NDST4: variants seen among roughly 807,000 people sequenced by gnomAD.
NDST4 encodes N-heparan sulfate sulfotransferase 4.
NDST4 carries 63 observed loss-of-function variants against 100.8 expected under a neutral mutation model. The ratio of observed to expected loss-of-function variants is 0.62; its 90% CI spans 0.51 to 0.77. The LOEUF is 0.77. Ranked by LOEUF, NDST4 falls within the 30% of genes least tolerant of loss-of-function variation. The probability of loss-of-function intolerance (pLI) is 0.00; values close to 1 mark genes in which losing one functional copy is unlikely to be tolerated. For missense variants in NDST4, 943 were observed against 1,018.4 expected, an observed-to-expected ratio of 0.93 and a Z score of 1.01; for synonymous variants, 377 against 361.8, an observed-to-expected ratio of 1.04 and a Z score of -0.48.
At chr4:115,053,763 T>C (rs887212559) in intron 2 of NDST4, among the ~76,000 whole-genome samples, 1 of 152,094 alleles carries the variant, frequency 6.6e-6, no homozygotes, top group Non-Finnish European at 1.5e-5. Flanking sequence ...ACTTGGGATG[T>C]ATGTGGTTCC....
chr4:115,067,777 G>A (rs1728981986), intron 2 of NDST4, among the ~76,000 whole-genome samples: 1 of 151,194 alleles, frequency 6.6e-6, no homozygotes, highest in South Asian at 2.1e-4. Flanking sequence ...AAGTTCTAGG[G>A]TACATGTGCA....
At chr4:114,986,832 A>ATATATATATATATATTTTTTTTTTTT in intron 2 of NDST4, among the ~76,000 whole-genome samples, 4 of 94,654 alleles carry the variant, frequency 4.2e-5, no homozygotes, top group Non-Finnish European at 8.7e-5. Context: ...ATATATATAT[A>ATATATATATATATATTTTTTTTTTTT]TTTTAATATA....
intron 4 of NDST4, among the ~76,000 whole-genome samples, chr4:114,952,942 T>G (rs1467385176): frequency 6.6e-6 from 1 of 152,046 alleles, no homozygotes; most frequent in Non-Finnish European, 1.5e-5. Context: ...CATTCATTCA[T>G]ATGTTACTTT....
At chr4:115,041,861 C>T (rs1291446548) in intron 2 of NDST4, among the ~76,000 whole-genome samples, 1 of 151,854 alleles carries the variant, frequency 6.6e-6, no homozygotes, top group African/African-American at 2.4e-5. Flanking sequence ...AAAATAAAAC[C>T]GAGGTGGTAC....
chr4:114,947,777 C>T (rs1450913070), intron 4 of NDST4, among the ~76,000 whole-genome samples: 1 of 151,968 alleles, frequency 6.6e-6, no homozygotes, highest in East Asian at 1.9e-4. Flanking sequence ...AATATCTTGG[C>T]ATATTTCTCT....
At chr4:115,055,050 C>A (rs1728663277) in intron 2 of NDST4, among the ~76,000 whole-genome samples, 1 of 152,012 alleles carries the variant, frequency 6.6e-6, no homozygotes, top group South Asian at 2.1e-4. Flanking sequence ...CACATTCTGC[C>A]AGATCAGTGG....
At chr4:114,965,246 A>G (rs1726354821) in intron 4 of NDST4, among the ~76,000 whole-genome samples, 1 of 152,068 alleles carries the variant, frequency 6.6e-6, no homozygotes, top group African/African-American at 2.4e-5. Context: ...AAGCATTGTC[A>G]ACATTGAAAG....
chr4:115,020,145 C>T (rs750327292), intron 2 of NDST4, among the ~76,000 whole-genome samples: 7 of 152,110 alleles, frequency 4.6e-5, no homozygotes, highest in South Asian at 2.1e-4. Context: ...GCAATTCTGG[C>T]GATGGCTCAG....
chr4:114,959,596 G>C (rs547998182), intron 4 of NDST4, among the ~76,000 whole-genome samples: 1 of 152,084 alleles, frequency 6.6e-6, no homozygotes, highest in Non-Finnish European at 1.5e-5. Flanking sequence ...CCCAAAACAC[G>C]TGGGGATTAT....
chr4:114,971,420 G>A (rs1726512202), intron 3 of NDST4, among the ~76,000 whole-genome samples: 1 of 151,764 alleles, frequency 6.6e-6, no homozygotes, highest in Non-Finnish European at 1.5e-5. Flanking sequence ...TTACTTCTAA[G>A]AGAATTAATT....
intron 1 of NDST4, among the ~76,000 whole-genome samples, chr4:115,092,428 G>A (rs1729537885): frequency 6.6e-6 from 1 of 151,870 alleles, no homozygotes; most frequent in African/African-American, 2.4e-5. Context: ...TAAGAAGCAT[G>A]TTCAAGTTGC....
rs1727479312 is a variant in NDST4 at position 115,008,894 on chromosome 4, A to G, written c.979-31620T>C. ...AAACATTCTTATACACCAATAACAGACAAACAGAGAGCCAAATCACGAGTG... is the reference window on the plus strand; with the variant it reads ...AAACATTCTTATACACCAATAACAGGCAAACAGAGAGCCAAATCACGAGTG... On this transcript the variant is annotated intron_variant, in intron 2 of 13. Transcript: ENST00000264363. 2.5e-5 allele frequency among the ~76,000 whole-genome samples: 3 copies of G among 120,040 alleles called. 1 individual carries two copies. Among genetic ancestry groups the G allele is most frequent in the Non-Finnish European group, 5.0e-5 (3 of 60,256 alleles). The allele number at this position is 120,040 out of a possible 152,430, so 78.8% of individuals were successfully genotyped here.
At chr4:115,024,440 A>AT (rs200147197) in intron 2 of NDST4, among the ~76,000 whole-genome samples, 7,834 of 137,738 alleles carry the variant, frequency 0.057, 652 homozygotes, top group African/African-American at 0.25. Flanking sequence ...TTTATAACTG[A>AT]TTTTTTTTCC....
intron 4 of NDST4, among the ~76,000 whole-genome samples, chr4:114,968,176 T>C (rs1292278460): frequency 3.3e-5 from 5 of 152,236 alleles, no homozygotes; most frequent in African/African-American, 9.6e-5. Context: ...GATGAGCTAT[T>C]AGCTTAACAA....
intron 2 of NDST4, among the ~76,000 whole-genome samples, chr4:114,993,352 C>T (rs1478952046): frequency 6.6e-6 from 1 of 151,770 alleles, no homozygotes; most frequent in East Asian, 1.9e-4. Flanking sequence ...TTGGAGTAGG[C>T]AAAAAACTTA....
At chr4:115,076,019 G>A (rs755883597) in intron 2 of NDST4, 40 bp downstream of exon 2, 11 of 1,549,226 alleles carry the variant, frequency 7.1e-6, no homozygotes, top group Non-Finnish European at 8.7e-6. Flanking sequence ...GTACCATATT[G>A]TGAAATACAA....
intron 6 of NDST4, among the ~76,000 whole-genome samples, chr4:114,901,764 T>C (rs1724844567): frequency 6.6e-6 from 1 of 151,804 alleles, no homozygotes; most frequent in South Asian, 2.1e-4. Flanking sequence ...TTGCATATCA[T>C]TGTATTTTCT....
chr4:114,879,382 T>G (rs1413265460), intron 6 of NDST4, among the ~76,000 whole-genome samples: 1 of 152,144 alleles, frequency 6.6e-6, no homozygotes, highest in African/African-American at 2.4e-5. Flanking sequence ...AAAAGTTCAA[T>G]TAGTAGATTT....
chr4:114,836,546 A>G (rs1437712182), intron 11 of NDST4, among the ~76,000 whole-genome samples: 2 of 152,090 alleles, frequency 1.3e-5, no homozygotes, highest in African/African-American at 2.4e-5. Flanking sequence ...GCTGCCCTTA[A>G]CATTTTTTTC....
Sources: gnomAD v4.1 joint callset for allele counts (sites outside exome capture counted in the v4.1 genomes callset) on GRCh38, gnomAD v4.1.1 for gene constraint, MANE v1.5 for transcripts, NCBI Gene and HGNC (gene_info 2026-07-23, HGNC 2026-07-21) for gene names.